Variants in MAP3K4 observed in about 807,000 individuals in gnomAD.
The protein encoded by MAP3K4 is mitogen-activated protein kinase kinase kinase 4.
In MAP3K4, 67 loss-of-function variants were observed where a neutral mutation model predicts 185.6. The observed-to-expected ratio is 0.36, with a 90% CI of 0.30 to 0.44. The LOEUF is 0.44. MAP3K4 is among the 20% of genes least tolerant of loss of function. MAP3K4 has a pLI of 1.00. For synonymous variants in MAP3K4, 702 were observed against 710.4 expected (o/e 0.99, Z 0.19); for missense variants, 1,551 against 1,995.1 (o/e 0.78, Z 4.24).
chr6:161,092,001 T>A lies in MAP3K4; in HGVS notation c.3136-9T>A. ...CCTTAATGTTGATATACATGAAATC[T>A]TCTTACAGTATCATAAAGAAGTTGT... is the stretch of plus-strand genomic sequence containing the variant. On this transcript the variant is annotated splice_polypyrimidine_tract_variant and intron_variant, in intron 12 of 26. Transcript: ENST00000392142. The A allele has an allele frequency of 1.9e-6, 3 of 1,606,670 alleles. No homozygotes were observed. Among genetic ancestry groups the A allele is most frequent in the South Asian group, 2.2e-5 (2 of 90,888 alleles).
intron 17 of MAP3K4, among the ~76,000 whole-genome samples, chr6:161,099,598 T>C (rs1777738043): frequency 6.6e-6 from 1 of 152,240 alleles, no homozygotes; most frequent in Non-Finnish European, 1.5e-5. Flanking sequence ...AACTGTCTTC[T>C]TTATTCATAC....
chr6:161,074,273 G>A lies in MAP3K4; in HGVS notation c.2097+661G>A, dbSNP rs189911386. On this transcript the variant is annotated intron_variant, in intron 5 of 26. Transcript: ENST00000392142. The surrounding 1 kb of genome is among the most constrained non-coding windows in gnomAD (Gnocchi z 5.0). Reference sequence around the variant, plus strand: ...TTGTAAATAGTTTGATTGGGCAGGAGTAGACCTATTTTTATTTTGTCATAA... The same window carrying A: ...TTGTAAATAGTTTGATTGGGCAGGAATAGACCTATTTTTATTTTGTCATAA... Among the ~76,000 whole-genome samples, 1 of 152,356 alleles carries A rather than the reference G, an allele frequency of 6.6e-6. No homozygotes were observed. Among genetic ancestry groups the A allele is most frequent in the African/African-American group, 2.4e-5 (1 of 41,578 alleles).
intron 3 of MAP3K4, among the ~76,000 whole-genome samples, chr6:161,068,370 ACTGT>A (rs1784794038): frequency 2.0e-5 from 3 of 152,228 alleles, no homozygotes; most frequent in Admixed American, 2.0e-4. Context: ...GGGACAGAAC[ACTGT>A]CTGCAGATCA....
At chr6:161,040,837 T>C (rs1783416800) in intron 2 of MAP3K4, among the ~76,000 whole-genome samples, 2 of 152,368 alleles carry the variant, frequency 1.3e-5, no homozygotes, top group Middle Eastern at 6.8e-3. Context: ...TTTGTGCAAA[T>C]AGGGATAGAA....
In MAP3K4 at chr6:161,049,774, A is replaced by C. The variant is rs1562506059; in HGVS notation, c.1502A>C (p.Asp501Ala). ...AAGCTTGAGAGGCTCGAATCTGAGG[A>C]TGATTCTCTTGGCTGGGGAGCACCA... is the stretch of plus-strand genomic sequence containing the variant. ...SKKLERLESEDDSLGWGAPDW... is the reference protein window; with the variant it reads ...SKKLERLESEADSLGWGAPDW... The change falls in exon 3 of 27, where the codon GAT becomes GCT. Residue 501 changes from aspartate (D) to alanine (A), a missense_variant. Asp to Ala is a moderately radical substitution (Grantham distance 126). Around this residue, in one of 16 missense-constraint regions of MAP3K4, gnomAD observed 126 missense variants for 112.8 expected, o/e 1.12. Coordinates refer to ENST00000392142, the MANE Select transcript of MAP3K4 (RefSeq NM_005922.4). The surrounding 1 kb of genome is among the most constrained non-coding windows in gnomAD (Gnocchi z 8.4). The C allele has an allele frequency of 6.2e-7, 1 of 1,614,178 alleles. No individual in the cohort carries two copies. The highest frequency in any genetic ancestry group is 8.5e-7 in the Non-Finnish European group (1 of 1,180,016).
rs1267729178 is a variant in MAP3K4 at position 161,101,078 on chromosome 6, C to T, written c.3675-814C>T. 1 of 152,170 alleles carries T rather than the reference C, an allele frequency of 6.6e-6. No homozygotes were observed. The highest frequency in any genetic ancestry group is 1.5e-5 in the Non-Finnish European group (1 of 68,028). The allele number at this position is 152,170 out of a possible 1,614,324, so 9.4% of individuals were successfully genotyped here. A position where few individuals can be genotyped will look rare whatever the true frequency, so the allele number is the denominator to read the frequency against. ...TATACCATTCACTTAAAAATATATA[C>T]TAAATGACTTTAATAAACTAATGCC... On this transcript the variant is annotated intron_variant, in intron 17 of 26. Coordinates refer to ENST00000392142, the MANE Select transcript of MAP3K4 (RefSeq NM_005922.4). The surrounding 1 kb of genome is among the most constrained non-coding windows in gnomAD (Gnocchi z 5.1).
intron 1 of MAP3K4, among the ~76,000 whole-genome samples, chr6:161,024,684 G>A (rs1220546640): frequency 2.0e-5 from 3 of 152,174 alleles, no homozygotes; most frequent in Non-Finnish European, 4.4e-5. Context: ...CAGAGATTAA[G>A]TGACCTTGTC....
At chr6:161,113,583 C>T (rs9365252) in intron 25 of MAP3K4, among the ~76,000 whole-genome samples, 113,587 of 151,930 alleles carry the variant, frequency 0.75, 43,554 homozygotes, top group East Asian at 0.97. Flanking sequence ...CACACTAACG[C>T]GAACTACACA....
At chr6:161,045,189 A>T (rs1783670483) in intron 2 of MAP3K4, among the ~76,000 whole-genome samples, 2 of 152,032 alleles carry the variant, frequency 1.3e-5, no homozygotes, top group African/African-American at 4.8e-5. Context: ...TATTTTGTGT[A>T]TATTTTTCCA....
Position 161,070,647 on chromosome 6 carries a change from G to A in MAP3K4, c.1747G>A (p.Val583Met), listed in dbSNP as rs1784896410. 1.9e-6 allele frequency: 3 copies of A among 1,613,874 alleles called. No individual in the cohort carries two copies. The highest frequency in any genetic ancestry group is 4.5e-5 in the East Asian group (2 of 44,890). The part of the protein sequence containing the change: ...FPDPMWGSDY[V>M]QLSRTPPSSE... Reference sequence around the variant, plus strand: ...AGATCCCATGTGGGGTTCAGATTATGTGCAGTTGTCAAGGACACCACCTTC... The same window carrying A: ...AGATCCCATGTGGGGTTCAGATTATATGCAGTTGTCAAGGACACCACCTTC... Residue 583 changes from valine (V) to methionine (M), a missense_variant, in exon 4 of 27, where the codon GTG becomes ATG. By Grantham distance (21) the Val-to-Met change is conservative. Transcript: ENST00000392142. This position sits in a 1 kb window ranked among gnomAD's most constrained non-coding sequence, Gnocchi z 4.5.
At chr6:161,035,922 G>C (rs963005025) in intron 2 of MAP3K4, among the ~76,000 whole-genome samples, 8 of 152,198 alleles carry the variant, frequency 5.3e-5, no homozygotes, top group Admixed American at 3.3e-4. Context: ...GGGCTTCAGA[G>C]CAAATCTTTT....
intron 1 of MAP3K4, among the ~76,000 whole-genome samples, chr6:161,033,071 C>CAAT (rs1273292512): frequency 6.6e-6 from 1 of 151,980 alleles, no homozygotes; most frequent in Non-Finnish European, 1.5e-5. Flanking sequence ...CAATCTAATT[C>CAAT]AGTAATAATG....
rs937892328 is a variant in MAP3K4 at position 161,091,007 on chromosome 6, G to A, written c.2974-372G>A. 6.6e-5 allele frequency among the ~76,000 whole-genome samples: 10 copies of A among 152,194 alleles called. No homozygotes were observed. Among genetic ancestry groups the A allele is most frequent in the East Asian group, 1.9e-4 (1 of 5,190 alleles). Reference sequence around the variant, plus strand: ...GCAGGGAAATGAGGACAGCACGATCGGAGGAGGTCATCTAGAAGTACATGG... The same window carrying A: ...GCAGGGAAATGAGGACAGCACGATCAGAGGAGGTCATCTAGAAGTACATGG... On this transcript the variant is annotated intron_variant, in intron 11 of 26. Coordinates refer to ENST00000392142, the MANE Select transcript of MAP3K4 (RefSeq NM_005922.4). The surrounding 1 kb of genome is among the most constrained non-coding windows in gnomAD (Gnocchi z 5.5).
chr6:161,096,887 C>T lies in MAP3K4; in HGVS notation c.3428-193C>T, dbSNP rs1257932561. 3.9e-6 allele frequency: 2 copies of T among 508,418 alleles called. No individual in the cohort carries two copies. Among genetic ancestry groups the T allele is most frequent in the East Asian group, 2.9e-5 (1 of 34,048 alleles). The allele number at this position is 508,418 out of a possible 1,614,324, so 31.5% of individuals were successfully genotyped here. A position where few individuals can be genotyped will look rare whatever the true frequency, so the allele number is the denominator to read the frequency against. ...AGAAAACTGTTAATATATAATAGGG[C>T]TTTACTGACTTTTAAAAAGTGACAT... On this transcript the variant is annotated intron_variant, in intron 15 of 26. Coordinates refer to ENST00000392142, the MANE Select transcript of MAP3K4 (RefSeq NM_005922.4). The surrounding 1 kb of genome is among the most constrained non-coding windows in gnomAD (Gnocchi z 4.9).
rs1241651990 is a variant in MAP3K4 at position 160,995,040 on chromosome 6, T to C, written c.152+2957T>C. 2.0e-5 allele frequency among the ~76,000 whole-genome samples: 3 copies of C among 152,338 alleles called. No homozygotes were observed. In the East Asian group the frequency reaches 5.8e-4, roughly 29 times the overall value. ...TCCATATTGTTTTCCACAGTAGTTG[T>C]ACTAGTTTACATTCCCACCAGCAGT... On this transcript the variant is annotated intron_variant, in intron 1 of 26. Transcript: ENST00000392142.
rs1015870542 is a variant in MAP3K4 at position 161,017,528 on chromosome 6, T to A, written c.153-16731T>A. Among the ~76,000 whole-genome samples the A allele has an allele frequency of 1.3e-5, 2 of 152,306 alleles. No homozygotes were observed. The highest frequency in any genetic ancestry group is 2.9e-5 in the Non-Finnish European group (2 of 68,010). Reference sequence around the variant, plus strand: ...TTGTAAAAGCCTAAGTTTTAGAGTTTTTATATGCCTAAAAATTAGGTCCAC... The same window carrying A: ...TTGTAAAAGCCTAAGTTTTAGAGTTATTATATGCCTAAAAATTAGGTCCAC... On this transcript the variant is annotated intron_variant, in intron 1 of 26. Transcript: ENST00000392142. This position sits in a 1 kb window ranked among gnomAD's most constrained non-coding sequence, Gnocchi z 5.1.
In MAP3K4 at chr6:161,082,968, C is replaced by A. The variant is rs937346488; in HGVS notation, c.2256-1533C>A. Reference sequence around the variant, plus strand: ...AACGTAAGACTGCCTAACAATGGCCCGCAAGGCCTGACATGGTCCTATTTC... The same window carrying A: ...AACGTAAGACTGCCTAACAATGGCCAGCAAGGCCTGACATGGTCCTATTTC... On this transcript the variant is annotated intron_variant, in intron 6 of 26. Coordinates refer to ENST00000392142, the MANE Select transcript of MAP3K4 (RefSeq NM_005922.4). The surrounding 1 kb of genome is among the most constrained non-coding windows in gnomAD (Gnocchi z 4.2). Among the ~76,000 whole-genome samples the A allele has an allele frequency of 6.6e-6, 1 of 152,196 alleles. No homozygotes were observed. Among genetic ancestry groups the A allele is most frequent in the Admixed American group, 6.5e-5 (1 of 15,280 alleles).
In MAP3K4 at chr6:161,017,427, T is replaced by C. The variant is rs529578781; in HGVS notation, c.153-16832T>C. 6.6e-5 allele frequency among the ~76,000 whole-genome samples: 10 copies of C among 152,308 alleles called. No homozygotes were observed. The highest frequency in any genetic ancestry group is 2.2e-4 in the African/African-American group (9 of 41,572). ...AGGAACTGCCAAGAGTGTTATTTAT[T>C]TGGTCTTCTGGTACCATCTGTAGTT... On this transcript the variant is annotated intron_variant, in intron 1 of 26. Coordinates refer to ENST00000392142, the MANE Select transcript of MAP3K4 (RefSeq NM_005922.4). The surrounding 1 kb of genome is among the most constrained non-coding windows in gnomAD (Gnocchi z 5.1).
rs1218101095 is a variant in MAP3K4, at chr6:161,037,574, A to G, written c.343+3125A>G. ...GCTAGGACTACAGGCATGCGCCACCATGCCCGACTAATTTTGTATTTTTGG... is the reference window on the plus strand; with the variant it reads ...GCTAGGACTACAGGCATGCGCCACCGTGCCCGACTAATTTTGTATTTTTGG... On this transcript the variant is annotated intron_variant, in intron 2 of 26. Coordinates refer to ENST00000392142, the MANE Select transcript of MAP3K4 (RefSeq NM_005922.4). The surrounding 1 kb of genome is among the most constrained non-coding windows in gnomAD (Gnocchi z 4.2). 6.6e-6 allele frequency among the ~76,000 whole-genome samples: 1 copy of G among 152,032 alleles called. No individual in the cohort carries two copies. Among genetic ancestry groups the G allele is most frequent in the Non-Finnish European group, 1.5e-5 (1 of 67,994 alleles).
Sources: allele counts gnomAD v4.1 joint callset (sites outside exome capture counted in the v4.1 genomes callset), GRCh38; gene constraint gnomAD v4.1.1; regional missense constraint gnomAD v4.1.1; non-coding constraint Gnocchi (gnomAD v3.1); transcripts MANE v1.5; gene names NCBI Gene and HGNC (gene_info 2026-07-23, HGNC 2026-07-21).